The following PIK3R6 variants were observed in gnomAD, a reference collection of about 807,000 sequenced individuals.
PIK3R6 encodes phosphoinositide-3-kinase regulatory subunit 6.
Under a neutral mutation model 84.9 loss-of-function variants are expected in PIK3R6, and 91 were observed. The ratio of observed to expected loss-of-function variants is 1.07; its 90% CI spans 0.90 to 1.28. The LOEUF is 1.28. PIK3R6 is among the 50% of genes most tolerant of loss of function. PIK3R6 has a pLI of 0.00. For synonymous variants in PIK3R6, 416 were observed against 411.4 expected (o/e 1.01, Z -0.13); for missense variants, 996 against 985.1 (o/e 1.01, Z -0.15).
At chr17:8,832,061 G>C (rs1180205223) in intron 9 of PIK3R6, among the ~76,000 whole-genome samples, 1 of 152,188 alleles carries the variant, frequency 6.6e-6, no homozygotes, top group Non-Finnish European at 1.5e-5. Flanking sequence ...AGATGCTCTG[G>C]TCCTTGGACG....
In PIK3R6 at chr17:8,839,625, T is replaced by G. The variant is rs2088607111; in HGVS notation, c.86A>C (p.Gln29Pro). ...CAGCTGGCTCTTACCTTGGTTGCTC[T>G]GCAGGGCAGGGGCCTGGGTGCTGAG... ...RELSTQAPAL[Q>P]SNQGMWRWSL... The change falls in exon 3 of 20, where the codon CAG becomes CCG. Residue 29 changes from glutamine (Q) to proline (P), a missense_variant. By Grantham distance (76) the Gln-to-Pro change is moderately conservative. Transcript: ENST00000619866. This position sits in a 1 kb window ranked among gnomAD's most constrained non-coding sequence, Gnocchi z 4.2. The G allele has an allele frequency of 6.4e-7, 1 of 1,571,912 alleles. No individual in the cohort carries two copies. The highest frequency in any genetic ancestry group is 1.9e-5 in the Admixed American group (1 of 53,316).
At chr17:8,861,579 G>A (rs188106669) in intron 1 of PIK3R6, among the ~76,000 whole-genome samples, 3 of 152,308 alleles carry the variant, frequency 2.0e-5, no homozygotes, top group Non-Finnish European at 2.9e-5. Flanking sequence ...AATGTGAAGC[G>A]TCCCTTTGTT....
At position 8,832,965 on chromosome 17, in the gene PIK3R6, C is replaced by T. The variant is rs2151255887; in HGVS notation, c.726G>A (p.Pro242=). 5.0e-6 allele frequency: 8 copies of T among 1,612,506 alleles called. No individual in the cohort carries two copies. The highest frequency in any genetic ancestry group is 1.1e-5 in the South Asian group (1 of 91,078). The change falls in exon 9 of 20, where the codon CCG becomes CCA. Residue 242 remains proline, a synonymous_variant. Transcript: ENST00000619866. ...ALEQMASEAS[P]SREGHVERLE... is the part of the protein sequence containing the mutation. ...GCCTCTCTACGTGTCCCTCCCGGCTCGGGCTGGCCTCGCTGGCCATCTGCT... is the reference window on the plus strand; with the variant it reads ...GCCTCTCTACGTGTCCCTCCCGGCTTGGGCTGGCCTCGCTGGCCATCTGCT...
At chr17:8,848,684 TAGG>T (rs2088868847) in intron 2 of PIK3R6, among the ~76,000 whole-genome samples, 1 of 152,178 alleles carries the variant, frequency 6.6e-6, no homozygotes, top group Non-Finnish European at 1.5e-5. Flanking sequence ...TGACTGTATT[TAGG>T]AGATTTTCAC....
At chr17:8,829,305 C>T (rs1044626267) in intron 10 of PIK3R6, among the ~76,000 whole-genome samples, 4 of 142,142 alleles carry the variant, frequency 2.8e-5, no homozygotes, top group Non-Finnish European at 4.5e-5. Context: ...TACACACACA[C>T]TGACACACGC....
At position 8,839,601 on chromosome 17, in the gene PIK3R6, AG is replaced by A. The variant is rs1256334144; in HGVS notation, c.97+12del. 1 of 1,559,182 alleles carries A rather than the reference AG, an allele frequency of 6.4e-7. No individual in the cohort carries two copies. The highest frequency in any genetic ancestry group is 8.7e-7 in the Non-Finnish European group (1 of 1,151,114). ...GTCAGAGGGACCAGCTGCTGCTGCCAGCTGGCTCTTACCTTGGTTGCTCTGC... is the reference window on the plus strand; with the variant it reads ...GTCAGAGGGACCAGCTGCTGCTGCCACTGGCTCTTACCTTGGTTGCTCTGC... On this transcript the variant is annotated intron_variant, in intron 3 of 19. Transcript: ENST00000619866. The surrounding 1 kb of genome is among the most constrained non-coding windows in gnomAD (Gnocchi z 4.2).
rs116670739 is a variant in PIK3R6 at position 8,841,213 on chromosome 17, G to A, written c.14-1516C>T. Among the ~76,000 whole-genome samples, 1,138 of 151,944 alleles carry A rather than the reference G, an allele frequency of 7.5e-3. 11 individuals carry two copies. The highest frequency in any genetic ancestry group is 0.026 in the African/African-American group (1,083 of 41,412). ...AAATCTAAAGTCAATTTAAAGAATC[G>A]TATCAGATACATACCAGGACAGGTG... On this transcript the variant is annotated intron_variant, in intron 2 of 19. Coordinates refer to ENST00000619866, the MANE Select transcript of PIK3R6 (RefSeq NM_001010855.4).
chr17:8,829,796 C>T lies in PIK3R6; in HGVS notation c.803-4G>A, dbSNP rs975704423. On this transcript the variant is annotated splice_region_variant and splice_polypyrimidine_tract_variant and intron_variant, in intron 9 of 19. Coordinates refer to ENST00000619866, the MANE Select transcript of PIK3R6 (RefSeq NM_001010855.4). ...GGCCGCTCTTGGACAAGGTCACCTG[C>T]AGAAAGGAGCAGGCTGTGGAGGCCA... 6.5e-7 allele frequency: 1 copy of T among 1,549,514 alleles called. No homozygotes were observed. Among genetic ancestry groups the T allele is most frequent in the African/African-American group, 1.4e-5 (1 of 73,022 alleles).
chr17:8,846,877 T>C (rs2088826335), intron 2 of PIK3R6, among the ~76,000 whole-genome samples: 1 of 152,156 alleles, frequency 6.6e-6, no homozygotes, highest in Non-Finnish European at 1.5e-5. Context: ...TGGAATGTGG[T>C]GGAAGTGATT....
At chr17:8,841,999 G>C (rs530075231) in intron 2 of PIK3R6, among the ~76,000 whole-genome samples, 1 of 152,182 alleles carries the variant, frequency 6.6e-6, no homozygotes, top group East Asian at 1.9e-4. Flanking sequence ...GTTCCCCTGA[G>C]AACTGGTTGT....
At chr17:8,854,685 A>T (rs1367253857) in intron 1 of PIK3R6, among the ~76,000 whole-genome samples, 8 of 152,270 alleles carry the variant, frequency 5.3e-5, no homozygotes, top group Admixed American at 4.6e-4. Context: ...TCCAGACCTT[A>T]CACAAAAATA....
Position 8,833,059 on chromosome 17 carries a change from G to T in PIK3R6, c.646-14C>A. 6.4e-7 allele frequency: 1 copy of T among 1,562,498 alleles called. No homozygotes were observed. The highest frequency in any genetic ancestry group is 8.6e-7 in the Non-Finnish European group (1 of 1,157,664). ...GCGAGGGCTGGCCTGTTGGGGAGGGGCGTCAGAGCCTGGGTCTTGGCCCAG... is the reference window on the plus strand; with the variant it reads ...GCGAGGGCTGGCCTGTTGGGGAGGGTCGTCAGAGCCTGGGTCTTGGCCCAG... On this transcript the variant is annotated splice_polypyrimidine_tract_variant and intron_variant, in intron 8 of 19. Transcript: ENST00000619866.
Position 8,836,850 on chromosome 17 carries a change from G to T in PIK3R6, c.332C>A (p.Pro111His). 5 of 1,585,254 alleles carry T rather than the reference G, an allele frequency of 3.2e-6. No individual in the cohort carries two copies. Among genetic ancestry groups the T allele is most frequent in the African/African-American group, 1.3e-5 (1 of 74,432 alleles). Reference protein sequence around the residue: ...FCTRLLTLPTPYCTVALDCAI... With the variant: ...FCTRLLTLPTHYCTVALDCAI... The stretch of plus-strand genomic sequence containing the variant: ...GCAGTCCAAGGCGACTGTGCAGTAG[G>T]GGGTGGGCAGGGTCAGTAACCTTGT... Residue 111 changes from proline (P) to histidine (H), a missense_variant, in exon 6 of 20, where the codon CCC becomes CAC. Physicochemically the swap from Pro to His is moderately conservative, Grantham distance 77 (BLOSUM62 -2). Transcript: ENST00000619866.
At chr17:8,837,971 A>G (rs1597416555) in intron 4 of PIK3R6, 100 bp from the exon 5 acceptor site, 2 of 1,016,454 alleles carry the variant, frequency 2.0e-6, no homozygotes, top group East Asian at 4.8e-5. Context: ...GATGGGGTGG[A>G]AGGCAGCCAG....
chr17:8,827,764 GAGAGA>G (rs2087986351), intron 12 of PIK3R6, among the ~76,000 whole-genome samples: 1 of 4,996 alleles, frequency 2.0e-4, no homozygotes, highest in Non-Finnish European at 3.7e-4. Context: ...AGAGAGAGAG[GAGAGA>G]GAGAGAGAGA....
At chr17:8,831,380 A>G in intron 9 of PIK3R6, among the ~76,000 whole-genome samples, 2 of 145,512 alleles carry the variant, frequency 1.4e-5, no homozygotes, top group Admixed American at 6.9e-5. Context: ...TGGGCAGGAG[A>G]CAGGTGCCCT....
intron 18 of PIK3R6, among the ~76,000 whole-genome samples, chr17:8,815,462 C>T (rs2087501491): frequency 6.7e-6 from 1 of 149,494 alleles, no homozygotes; most frequent in Non-Finnish European, 1.5e-5. Context: ...GCCGAGATCT[C>T]ACCACTGCAC....
rs758378005 is a variant in PIK3R6 at position 8,835,419 on chromosome 17, A to T, written c.499T>A (p.Ser167Thr). Residue 167 changes from serine to threonine, a missense_variant, in exon 8 of 20, where the codon TCT becomes ACT. Physicochemically the swap from Ser to Thr is moderately conservative, Grantham distance 58. Coordinates refer to ENST00000619866, the MANE Select transcript of PIK3R6 (RefSeq NM_001010855.4). ...LFVDPELVSA[S>T]VCSALLLEIE... The stretch of plus-strand genomic sequence containing the variant: ...TCCAGTAGCAGAGCACTGCACACAG[A>T]CGCAGACACCAGCTCAGGATCCACG... 8 of 1,598,394 alleles carry T rather than the reference A, an allele frequency of 5.0e-6. No homozygotes were observed. In the African/African-American group the frequency reaches 1.1e-4, roughly 21 times the overall value.
intron 18 of PIK3R6, among the ~76,000 whole-genome samples, chr17:8,805,424 G>A (rs1025750482): frequency 6.6e-6 from 1 of 152,190 alleles, no homozygotes. Flanking sequence ...GGAACCTACT[G>A]TGGGTTCTTT....
Sources: gnomAD v4.1 joint callset for allele counts (sites outside exome capture counted in the v4.1 genomes callset) on GRCh38, gnomAD v4.1.1 for gene constraint, Gnocchi (gnomAD v3.1) non-coding constraint, MANE v1.5 for transcripts, NCBI Gene and HGNC (gene_info 2026-07-23, HGNC 2026-07-21) for gene names.